The following SMAD5 variants were observed in gnomAD, a reference collection of about 807,000 sequenced individuals.
SMAD5 encodes the protein MAD, mothers against decapentaplegic homolog 5.
A neutral mutation model predicts 43.1 loss-of-function variants in SMAD5; 9 were observed. The observed-to-expected ratio is 0.21, with a 90% CI of 0.13 to 0.36. SMAD5 has a LOEUF of 0.36. Among genes scored for constraint, SMAD5 ranks in the 10% least tolerant of loss-of-function variants. The pLI, the probability that SMAD5 is intolerant of heterozygous loss-of-function variation, is 1.00. For synonymous variants in SMAD5, 190 were observed against 192.4 expected (o/e 0.99, Z 0.10); for missense variants, 348 against 574.0 (o/e 0.61, Z 4.02).
Position 136,179,447 on chromosome 5 carries a change from T to C in SMAD5, c.*1967T>C, listed in dbSNP as rs1404077026. The C allele has an allele frequency of 6.6e-6, 1 of 152,502 alleles. No homozygotes were observed. The highest frequency in any genetic ancestry group is 6.5e-5 in the Admixed American group (1 of 15,278). The allele number at this position is 152,502 out of a possible 1,614,324, so 9.4% of individuals were successfully genotyped here. On this transcript the variant is annotated 3_prime_UTR_variant, in exon 8 of 8. Coordinates refer to ENST00000545279, the MANE Select transcript of SMAD5 (RefSeq NM_005903.7). ...GTTAGTTTGGTTTGACTTTCCACTT[T>C]GTCCTTTCTGCTCTTGTGAAGAAAA...
intron 3 of SMAD5, among the ~76,000 whole-genome samples, chr5:136,158,763 G>C (rs926581489): frequency 5.3e-5 from 8 of 152,160 alleles, no homozygotes; most frequent in African/African-American, 1.9e-4. Context: ...GCCAGGCGTG[G>C]TGGTCAGCGC....
chr5:136,174,825 A>G (rs894353124), intron 7 of SMAD5, among the ~76,000 whole-genome samples, 193 bp downstream of exon 7: 4 of 152,212 alleles, frequency 2.6e-5, no homozygotes, highest in African/African-American at 9.7e-5. Context: ...TGTAATCTAG[A>G]CATTATAAAA....
chr5:136,159,556 A>G (rs1753760975), intron 3 of SMAD5, among the ~76,000 whole-genome samples: 1 of 152,128 alleles, frequency 6.6e-6, no homozygotes, highest in Admixed American at 6.6e-5. Flanking sequence ...GAAAAAAAAA[A>G]GCAAATTCTT....
chr5:136,165,662 A>ATATTTTTTTTTTTTTTTTTTTT lies in SMAD5; in HGVS notation c.775+2272_775+2273insATTTTTTTTTTTTTTTTTTTTT, dbSNP rs1561653930. On this transcript the variant is annotated intron_variant, in intron 5 of 7. Transcript: ENST00000545279. ...TACTTCATATAAATGGAATCATACA[A>ATATTTTTTTTTTTTTTTTTTTT]TTTTTTTTTTTTTTTTTTTTTTTTT... Among the ~76,000 whole-genome samples, 6 of 65,456 alleles carry ATATTTTTTTTTTTTTTTTTTTT rather than the reference A, an allele frequency of 9.2e-5. 3 individuals are homozygous for ATATTTTTTTTTTTTTTTTTTTT. Among genetic ancestry groups the ATATTTTTTTTTTTTTTTTTTTT allele is most frequent in the South Asian group, 1.3e-3 (2 of 1,574 alleles). 42.9% of individuals were successfully genotyped at this position (65,456 alleles called of 152,430 possible). A position where few individuals can be genotyped will look rare whatever the true frequency, so the allele number is the denominator to read the frequency against.
At chr5:136,171,620 C>T (rs1754221932) in intron 5 of SMAD5, among the ~76,000 whole-genome samples, 1 of 152,172 alleles carries the variant, frequency 6.6e-6, no homozygotes, top group Non-Finnish European at 1.5e-5. Context: ...CTGTGTCTGT[C>T]CCACCATAAG....
intron 6 of SMAD5, among the ~76,000 whole-genome samples, chr5:136,174,172 A>T (rs1459406785): frequency 6.6e-6 from 1 of 152,094 alleles, no homozygotes; most frequent in Non-Finnish European, 1.5e-5. Flanking sequence ...TCTGCTGCCT[A>T]TTTGAGGCTT....
intron 3 of SMAD5, among the ~76,000 whole-genome samples, chr5:136,155,864 G>A (rs1753618422): frequency 6.6e-6 from 1 of 152,186 alleles, no homozygotes; most frequent in Admixed American, 6.5e-5. Context: ...TCTGGCACTT[G>A]GTAGGTGATG....
intron 4 of SMAD5, 76 bp downstream of exon 4, chr5:136,161,183 G>T (rs1753816244): frequency 1.6e-5 from 21 of 1,354,616 alleles, no homozygotes; most frequent in Non-Finnish European, 2.1e-5. Flanking sequence ...TGGGCCCTCT[G>T]GGTGAACTGT....
At chr5:136,144,268 G>GT (rs1753187555) in intron 1 of SMAD5, among the ~76,000 whole-genome samples, 1 of 151,938 alleles carries the variant, frequency 6.6e-6, no homozygotes, top group South Asian at 2.1e-4. Flanking sequence ...TGTAGTTTGT[G>GT]TTTTTCTTTT....
At chr5:136,160,579 TG>T (rs1433833566) in intron 3 of SMAD5, among the ~76,000 whole-genome samples, 3 of 152,176 alleles carry the variant, frequency 2.0e-5, no homozygotes, top group Non-Finnish European at 1.5e-5. Context: ...GTTTTATGGT[TG>T]TTTTTTAATA....
At chr5:136,175,244 G>A (rs934272006) in intron 7 of SMAD5, among the ~76,000 whole-genome samples, 4 of 152,180 alleles carry the variant, frequency 2.6e-5, no homozygotes, top group African/African-American at 9.7e-5. Flanking sequence ...AATTATGGGA[G>A]CTACAATTTA....
At chr5:136,140,759 C>G (rs927623760) in intron 1 of SMAD5, among the ~76,000 whole-genome samples, 1 of 151,328 alleles carries the variant, frequency 6.6e-6, no homozygotes, top group Non-Finnish European at 1.5e-5. Flanking sequence ...ACAAACATAT[C>G]ATTTACTATA....
intron 3 of SMAD5, among the ~76,000 whole-genome samples, chr5:136,159,278 T>C (rs1373556801): frequency 6.6e-6 from 1 of 152,186 alleles, no homozygotes; most frequent in Non-Finnish European, 1.5e-5. Context: ...ATATCTTGAC[T>C]AATAATAGCA....
rs142360797 is a variant in SMAD5 at position 136,147,863 on chromosome 5, G to A, written c.-213G>A. 72 of 151,534 alleles carry A rather than the reference G, an allele frequency of 4.8e-4. 1 individual carries two copies. Among genetic ancestry groups the A allele is most frequent in the African/African-American group, 1.6e-3 (68 of 41,350 alleles). 9.4% of individuals were successfully genotyped at this position (151,534 alleles called of 1,614,324 possible). ...AGCTGTTGAAGTTATTGAAGTACCT[G>A]TTGCTATATTCTAAGAAATTAAAAT... On this transcript the variant is annotated 5_prime_UTR_variant, in exon 2 of 8. Coordinates refer to ENST00000545279, the MANE Select transcript of SMAD5 (RefSeq NM_005903.7).
In SMAD5 at chr5:136,137,057, G is replaced by A. The variant is rs370310678; in HGVS notation, c.-245+4095G>A. Among the ~76,000 whole-genome samples the A allele has an allele frequency of 1.1e-4, 17 of 149,078 alleles. No individual in the cohort carries two copies. In the East Asian group the frequency reaches 3.2e-3, roughly 28 times the overall value. On this transcript the variant is annotated intron_variant, in intron 1 of 7. Coordinates refer to ENST00000545279, the MANE Select transcript of SMAD5 (RefSeq NM_005903.7). ...TTTTTTGCCTTGGGCAGCTAGGGGG[G>A]ATGTTTTTGGCCCAGTTCTAGTAGA...
chr5:136,140,350 GT>G (rs1398109395), intron 1 of SMAD5, among the ~76,000 whole-genome samples: 1 of 152,158 alleles, frequency 6.6e-6, no homozygotes, highest in East Asian at 1.9e-4. Flanking sequence ...TGAGTTCACA[GT>G]TTCCTTAGAG....
At chr5:136,139,827 A>G (rs7707161) in intron 1 of SMAD5, among the ~76,000 whole-genome samples, 53,999 of 150,782 alleles carry the variant, frequency 0.36, 10,480 homozygotes, top group African/African-American at 0.53. Flanking sequence ...TCCTAAGTAG[A>G]TGGGATCACA....
chr5:136,163,478 T>G (rs1580788803), intron 5 of SMAD5, 87 bp downstream of exon 5: 1 of 1,070,240 alleles, frequency 9.3e-7, no homozygotes, highest in Non-Finnish European at 1.3e-6. Context: ...TTTATTGAGG[T>G]ATAATTTATA....
chr5:136,147,515 T>C (rs1282465697), intron 1 of SMAD5: 2 of 151,892 alleles, frequency 1.3e-5, no homozygotes, highest in South Asian at 4.1e-4. Context: ...TAGGAGGCAG[T>C]CTGTACAGTG....
Sources: gnomAD v4.1 joint callset for allele counts (sites outside exome capture counted in the v4.1 genomes callset) on GRCh38, gnomAD v4.1.1 for gene constraint, MANE v1.5 for transcripts, NCBI Gene and HGNC (gene_info 2026-07-23, HGNC 2026-07-21) for gene names.